Variants in MYO16 observed in about 807,000 individuals in gnomAD.
MYO16 encodes the protein myosin XVI, also known as unconventional myosin-XVI.
A neutral mutation model predicts 205.3 loss-of-function variants in MYO16; 94 were observed. That is an observed-to-expected ratio of 0.46 (90% confidence interval 0.39 to 0.54). MYO16 has a LOEUF of 0.54. Among genes scored for constraint, MYO16 ranks in the 20% least tolerant of loss-of-function variants. The pLI, the probability that MYO16 is intolerant of heterozygous loss-of-function variation, is 0.00. For synonymous variants in MYO16, 988 were observed against 954.0 expected (o/e 1.04, Z -0.66); for missense variants, 2,315 against 2,387.5 (o/e 0.97, Z 0.63).
At chr13:108,793,414 A>G (rs1886682829) in intron 5 of MYO16, 102 bp from the exon 6 acceptor site, 3 of 1,165,408 alleles carry the variant, frequency 2.6e-6, no homozygotes, top group South Asian at 3.6e-5. Context: ...AGAAGCTTCA[A>G]AGAAAAACAC....
chr13:108,579,760 TTTTTG>T, the MYO16 span, among the ~76,000 whole-genome samples: 2 of 152,098 alleles, frequency 1.3e-5, no homozygotes, highest in Non-Finnish European at 2.9e-5. Flanking sequence ...CTTTTTTTGT[TTTTTG>T]TTTTGTTTTG....
intron 2 of MYO16, among the ~76,000 whole-genome samples, chr13:108,668,901 G>A (rs533670078): frequency 3.3e-5 from 5 of 152,112 alleles, no homozygotes; most frequent in African/African-American, 1.2e-4. Context: ...CCTACTACAG[G>A]GAGTGAGAAT....
chr13:109,180,533 G>C (rs1879410844), intron 34 of MYO16, among the ~76,000 whole-genome samples: 2 of 152,086 alleles, frequency 1.3e-5, no homozygotes, highest in Non-Finnish European at 2.9e-5. Context: ...AATAACCTCA[G>C]CCAAGTATCC....
chr13:108,873,649 TCCATGCCAACCAA>T (rs1879181082), intron 12 of MYO16, among the ~76,000 whole-genome samples: 1 of 127,618 alleles, frequency 7.8e-6, no homozygotes, highest in East Asian at 2.5e-4. Context: ...CAGGACAGGG[TCCATGCCAACCAA>T]CCAGGACAGG....
At chr13:108,914,127 A>G (rs183291389) in intron 16 of MYO16, among the ~76,000 whole-genome samples, 1 of 148,968 alleles carries the variant, frequency 6.7e-6, no homozygotes, top group East Asian at 2.0e-4. Flanking sequence ...ACTATTGTTA[A>G]TATATGTATT....
chr13:109,022,245 A>T (rs1400143905), intron 23 of MYO16, among the ~76,000 whole-genome samples: 2 of 132,462 alleles, frequency 1.5e-5, no homozygotes, highest in East Asian at 2.0e-4. Flanking sequence ...GTATATATTT[A>T]TATATACAAA....
intron 1 of MYO16, among the ~76,000 whole-genome samples, chr13:108,656,879 A>G (rs1881269231): frequency 6.6e-6 from 1 of 152,208 alleles, no homozygotes; most frequent in Non-Finnish European, 1.5e-5. Context: ...AAGTTAAAGA[A>G]AAAGCAATCA....
chr13:109,086,313 C>T (rs1423044049), intron 27 of MYO16, among the ~76,000 whole-genome samples: 3 of 152,124 alleles, frequency 2.0e-5, no homozygotes, highest in Non-Finnish European at 4.4e-5. Flanking sequence ...GTGGTTTCCC[C>T]AGTACCAAGC....
intron 10 of MYO16, among the ~76,000 whole-genome samples, chr13:108,849,615 T>G: frequency 1.0e-5 from 1 of 97,546 alleles, no homozygotes; most frequent in Admixed American, 1.1e-4. Context: ...TTGAATTTCC[T>G]CTTTTGTGTG....
chr13:109,099,354 C>T (rs1173514684), intron 27 of MYO16, among the ~76,000 whole-genome samples: 1 of 152,168 alleles, frequency 6.6e-6, no homozygotes, highest in Non-Finnish European at 1.5e-5. Flanking sequence ...AAGAAATGCA[C>T]ACTAACATGA....
In MYO16 at chr13:108,823,119, T is replaced by G. The variant is rs1566351725; in HGVS notation, c.944-6T>G. 1.2e-6 allele frequency: 2 copies of G among 1,605,476 alleles called. No homozygotes were observed. Among genetic ancestry groups the G allele is most frequent in the South Asian group, 1.1e-5 (1 of 90,772 alleles). On this transcript the variant is annotated splice_polypyrimidine_tract_variant and splice_region_variant and intron_variant, in intron 8 of 34. Transcript: ENST00000457511. ...TTTTCTGATTTTTCTTATTTTTTTC[T>G]TGTAGATATTGCTGCCTCTGAGTTT...
chr13:108,629,304 G>C (rs1032022200), upstream of MYO16: 4 of 152,326 alleles, frequency 2.6e-5, no homozygotes, highest in African/African-American at 9.7e-5. Context: ...AGCAACTGGT[G>C]GCAACTAAAA....
At chr13:108,564,252 C>G in the MYO16 span, among the ~76,000 whole-genome samples, 1 of 150,684 alleles carries the variant, frequency 6.6e-6, no homozygotes, top group Non-Finnish European at 1.5e-5. Context: ...CTCACCACAA[C>G]CTCCATGTCC....
intron 34 of MYO16, among the ~76,000 whole-genome samples, chr13:109,199,255 C>T (rs944125405): frequency 7.4e-6 from 1 of 134,680 alleles, no homozygotes; most frequent in Admixed American, 7.9e-5. Flanking sequence ...CATTTTGCCT[C>T]GCTCCATCTC....
At chr13:109,160,337 A>C (rs1878320557) in intron 32 of MYO16, among the ~76,000 whole-genome samples, 1 of 152,228 alleles carries the variant, frequency 6.6e-6, no homozygotes, top group Non-Finnish European at 1.5e-5. Flanking sequence ...ATTAAAATTC[A>C]CCTTAAATGT....
At chr13:108,750,487 G>T (rs765802658) in intron 4 of MYO16, among the ~76,000 whole-genome samples, 17 of 151,948 alleles carry the variant, frequency 1.1e-4, no homozygotes, top group Non-Finnish European at 2.4e-4. Flanking sequence ...AACAATTCTG[G>T]GCAGGGCACA....
upstream of MYO16, among the ~76,000 whole-genome samples, chr13:108,624,723 A>G (rs533708624): frequency 1.2e-3 from 186 of 152,100 alleles, no homozygotes; most frequent in African/African-American, 4.2e-3. Flanking sequence ...GAAAAAAATC[A>G]CCAAAGGAAG....
At chr13:108,956,692 T>C (rs992229432) in intron 16 of MYO16, among the ~76,000 whole-genome samples, 4 of 152,190 alleles carry the variant, frequency 2.6e-5, no homozygotes, top group Non-Finnish European at 5.9e-5. Context: ...AGGGATAACC[T>C]GAAAGCCTGG....
chr13:109,003,591 C>T (rs950782256), intron 21 of MYO16, among the ~76,000 whole-genome samples: 3 of 152,176 alleles, frequency 2.0e-5, no homozygotes, highest in Non-Finnish European at 4.4e-5. Context: ...AGGAAGAAAG[C>T]TGAGACCTGG....
Sources: gnomAD v4.1 joint callset for allele counts (sites outside exome capture counted in the v4.1 genomes callset) on GRCh38, gnomAD v4.1.1 for gene constraint, MANE v1.5 for transcripts, NCBI Gene and HGNC (gene_info 2026-07-23, HGNC 2026-07-21) for gene names.